The following RANBP6 variants were observed in gnomAD, a reference collection of about 807,000 sequenced individuals.
RANBP6 encodes the protein RAN binding protein 6.
A neutral mutation model predicts 35.3 loss-of-function variants in RANBP6; 10 were observed. The ratio of observed to expected loss-of-function variants is 0.28; its 90% CI spans 0.17 to 0.48. The LOEUF is 0.48. RANBP6 is among the 20% of genes least tolerant of loss of function. RANBP6 has a pLI of 0.99. For synonymous variants in RANBP6, 514 were observed against 464.2 expected, an observed-to-expected ratio of 1.11 and a Z score of -1.38; for missense variants, 1,392 against 1,307.7, an observed-to-expected ratio of 1.06 and a Z score of -0.99.
At position 6,014,797 on chromosome 9, in the gene RANBP6, A is replaced by G. The variant is rs1489020264; in HGVS notation, c.811T>C (p.Leu271=). Residue 271 remains leucine (L), a synonymous_variant, in exon 1 of 1, where the codon TTG becomes CTG. Transcript: ENST00000259569. ...PYLEDTLQLS[L]KLCGDSRLSN... is the part of the protein sequence containing the mutation. ...AGCCTAGAGTCTCCACATAACTTCA[A>G]ACTCAACTGTAGAGTATCTTCTAAA... 3 of 1,614,162 alleles carry G rather than the reference A, an allele frequency of 1.9e-6. No individual in the cohort carries two copies. Among genetic ancestry groups the G allele is most frequent in the Non-Finnish European group, 2.5e-6 (3 of 1,180,030 alleles).
In RANBP6 at chr9:6,014,710, G is replaced by A; in HGVS notation, c.898C>T (p.Pro300Ser). 1 of 1,614,126 alleles carries A rather than the reference G, an allele frequency of 6.2e-7. No homozygotes were observed. Among genetic ancestry groups the A allele is most frequent in the Non-Finnish European group, 8.5e-7 (1 of 1,180,044 alleles). ...VIVTLSETAT[P>S]MLKKHTNIIA... ...ATATTTGTATGTTTTTTCAACATCGGAGTGGCAGTTTCAGACAAGGTCACT... is the reference window on the plus strand; with the variant it reads ...ATATTTGTATGTTTTTTCAACATCGAAGTGGCAGTTTCAGACAAGGTCACT... Residue 300 changes from proline (P) to serine (S), a missense_variant, in exon 1 of 1, where the codon CCG (proline) becomes TCG (serine). Pro to Ser is a moderately conservative substitution (Grantham distance 74, BLOSUM62 -1). Transcript: ENST00000259569.
At position 6,012,831 on chromosome 9, in the gene RANBP6, T is replaced by C. The variant is rs138377555; in HGVS notation, c.2777A>G (p.Asn926Ser). ...AGCAGCAGCTTGCCTGACTTCAGGGTTGTTATCTCGCATATTTAGTAGCAT... is the reference window on the plus strand; with the variant it reads ...AGCAGCAGCTTGCCTGACTTCAGGGCTGTTATCTCGCATATTTAGTAGCAT... ...WPMLLNMRDN[N>S]PEVRQAAAYG... Residue 926 changes from asparagine to serine, a missense_variant, in exon 1 of 1, where the codon AAC (asparagine) becomes AGC (serine). Asn to Ser is a conservative substitution (Grantham distance 46). Coordinates refer to ENST00000259569, the MANE Select transcript of RANBP6 (RefSeq NM_012416.4). 7.9e-5 allele frequency: 127 copies of C among 1,614,094 alleles called. No homozygotes were observed. In the African/African-American group the frequency reaches 1.6e-3, roughly 21 times the overall value.
In RANBP6 at chr9:6,011,993, A is replaced by T. The variant is rs1245642832; in HGVS notation, c.*297T>A. 2 of 213,938 alleles carry T rather than the reference A, an allele frequency of 9.3e-6. No individual in the cohort carries two copies. The highest frequency in any genetic ancestry group is 1.8e-5 in the Non-Finnish European group (2 of 108,264). The allele number at this position is 213,938 out of a possible 1,614,324, so 13.3% of individuals were successfully genotyped here. A position where few individuals can be genotyped will look rare whatever the true frequency, so the allele number is the denominator to read the frequency against. On this transcript the variant is annotated 3_prime_UTR_variant, in exon 1 of 1. Coordinates refer to ENST00000259569, the MANE Select transcript of RANBP6 (RefSeq NM_012416.4). ...TCAAGTATACTGCTTGGCTAGCATC[A>T]ATAATAGTTCAAACAAATAGCAACA... is the stretch of plus-strand genomic sequence containing the variant.
chr9:6,014,631 T>C lies in RANBP6; in HGVS notation c.977A>G (p.Asp326Gly). The change falls in exon 1 of 1, where the codon GAT (aspartate) becomes GGT (glycine). Residue 326 changes from aspartate to glycine, a missense_variant. Physicochemically the swap from Asp to Gly is moderately conservative, Grantham distance 94 (BLOSUM62 -1). Transcript: ENST00000259569. ...TTCATCAGCATTTACCCAGTCCTCATCATCTTGTAGATCAACCATCATTGC... is the reference window on the plus strand; with the variant it reads ...TTCATCAGCATTTACCCAGTCCTCACCATCTTGTAGATCAACCATCATTGC... ...ILAMMVDLQD[D>G]EDWVNADEME... The C allele has an allele frequency of 6.2e-7, 1 of 1,614,200 alleles. No homozygotes were observed. The highest frequency in any genetic ancestry group is 8.5e-7 in the Non-Finnish European group (1 of 1,180,024).
chr9:6,015,344 A>C lies in RANBP6; in HGVS notation c.264T>G (p.Asn88Lys). 4 of 1,614,212 alleles carry C rather than the reference A, an allele frequency of 2.5e-6. No individual in the cohort carries two copies. The highest frequency in any genetic ancestry group is 3.4e-6 in the Non-Finnish European group (4 of 1,180,054). ...LSSGFEEVYP[N>K]LPADVQRDVK... Reference sequence around the variant, plus strand: ...CATCTCTCTGAACATCAGCAGGCAGATTTGGATAAACCTCCTCAAACCCAG... The same window carrying C: ...CATCTCTCTGAACATCAGCAGGCAGCTTTGGATAAACCTCCTCAAACCCAG... The change falls in exon 1 of 1, where the codon AAT becomes AAG. Residue 88 changes from asparagine (N) to lysine (K), a missense_variant. Transcript: ENST00000259569.
chr9:6,015,511 C>G lies in RANBP6; in HGVS notation c.97G>C (p.Val33Leu). The G allele has an allele frequency of 6.2e-7, 1 of 1,613,636 alleles. No homozygotes were observed. ...LKNLINPSCM[V>L]RRQAEEIYEN... Reference sequence around the variant, plus strand: ...TAGATTTCCTCTGCTTGCCTCCGCACCATACAGCTTGGATTGATCAGGTTC... The same window carrying G: ...TAGATTTCCTCTGCTTGCCTCCGCAGCATACAGCTTGGATTGATCAGGTTC... The change falls in exon 1 of 1, where the codon GTG becomes CTG. Residue 33 changes from valine to leucine, a missense_variant. Coordinates refer to ENST00000259569, the MANE Select transcript of RANBP6 (RefSeq NM_012416.4).
chr9:6,014,347 G>A lies in RANBP6; in HGVS notation c.1261C>T (p.Pro421Ser), dbSNP rs1278926899. The A allele has an allele frequency of 5.0e-6, 8 of 1,613,696 alleles. No individual in the cohort carries two copies. Among genetic ancestry groups the A allele is most frequent in the Non-Finnish European group, 5.9e-6 (7 of 1,179,714 alleles). The change falls in exon 1 of 1, where the codon CCA becomes TCA. Residue 421 changes from proline to serine, a missense_variant. Transcript: ENST00000259569. ...SVLLFLQDPH[P>S]RVRAAACTTL... is the part of the protein sequence containing the mutation. ...GTACAGGCTGCAGCCCTCACCCTTG[G>A]ATGAGGATCCTGAAGAAAAAGCAAA...
chr9:6,015,320 A>C lies in RANBP6; in HGVS notation c.288T>G (p.Asp96Glu), dbSNP rs761455357. 6.2e-7 allele frequency: 1 copy of C among 1,614,202 alleles called. No individual in the cohort carries two copies. The highest frequency in any genetic ancestry group is 8.5e-7 in the Non-Finnish European group (1 of 1,180,046). The change falls in exon 1 of 1, where the codon GAT becomes GAG. Residue 96 changes from aspartate (D) to glutamate (E), a missense_variant. By Grantham distance (45) the Asp-to-Glu change is conservative. Coordinates refer to ENST00000259569, the MANE Select transcript of RANBP6 (RefSeq NM_012416.4). ...YPNLPADVQR[D>E]VKIELILAVK... ...CAGCCAGAATCAGTTCAATCTTGAC[A>C]TCTCTCTGAACATCAGCAGGCAGAT...
chr9:6,014,226 T>C lies in RANBP6; in HGVS notation c.1382A>G (p.Gln461Arg). ...IAALLRTMEN[Q>R]GNQRVQSHAA... is the part of the protein sequence containing the mutation. ...ATGTGATTGCACACGCTGATTACCTTGATTTTCCATGGTACGTAACAGAGC... is the reference window on the plus strand; with the variant it reads ...ATGTGATTGCACACGCTGATTACCTCGATTTTCCATGGTACGTAACAGAGC... The change falls in exon 1 of 1, where the codon CAA becomes CGA. Residue 461 changes from glutamine (Q) to arginine (R), a missense_variant. Transcript: ENST00000259569. 2 of 1,613,768 alleles carry C rather than the reference T, an allele frequency of 1.2e-6. No individual in the cohort carries two copies. The highest frequency in any genetic ancestry group is 1.7e-6 in the Non-Finnish European group (2 of 1,179,882).
chr9:6,012,425 A>G lies in RANBP6; in HGVS notation c.3183T>C (p.Tyr1061=), dbSNP rs1171592573. 17 of 1,614,020 alleles carry G rather than the reference A, an allele frequency of 1.1e-5. No homozygotes were observed. Among genetic ancestry groups the G allele is most frequent in the Non-Finnish European group, 1.4e-5 (17 of 1,179,922 alleles). Residue 1061 remains tyrosine, a synonymous_variant, in exon 1 of 1, where the codon TAT becomes TAC. Coordinates refer to ENST00000259569, the MANE Select transcript of RANBP6 (RefSeq NM_012416.4). ...AEGKINETIN[Y]EDPCAKRLAN... ...CTAGGCGTTTGGCACAAGGATCCTC[A>G]TAGTTAATAGTCTCATTAATTTTTC...
rs1167860793 is a variant in RANBP6, at chr9:6,015,150, A to T, written c.458T>A (p.Val153Glu). 1.2e-6 allele frequency: 2 copies of T among 1,614,118 alleles called. No homozygotes were observed. The highest frequency in any genetic ancestry group is 3.3e-5 in the Admixed American group (2 of 60,024). ...GTGAAGTGCAACTTCCCATAGAACC[A>T]CATTTTTGGAGTAGATTGAATCAAT... is the stretch of plus-strand genomic sequence containing the variant. ...FLIDSIYSKN[V>E]VLWEVALHVF... is the part of the protein sequence containing the mutation. The change falls in exon 1 of 1, where the codon GTG becomes GAG. Residue 153 changes from valine (V) to glutamate (E), a missense_variant. Coordinates refer to ENST00000259569, the MANE Select transcript of RANBP6 (RefSeq NM_012416.4).
Position 6,012,291 on chromosome 9 carries a change from C to T in RANBP6, c.3317G>A (p.Ter1106=), listed in dbSNP as rs1257652158. The change falls in exon 1 of 1, where the codon TGA becomes TAA. Residue 1106 remains the stop codon, a stop_retained_variant. Coordinates refer to ENST00000259569, the MANE Select transcript of RANBP6 (RefSeq NM_012416.4). Reference sequence around the variant, plus strand: ...ATATTCAAGTTATATTAAAGTGCTTCAAGCAAAATTTAGCAACTCCTGTAA... The same window carrying T: ...ATATTCAAGTTATATTAAAGTGCTTTAAGCAAAATTTAGCAACTCCTGTAA... ...EALQELLNFA[*] is the part of the protein sequence containing the mutation. The T allele has an allele frequency of 1.9e-6, 3 of 1,541,816 alleles. No homozygotes were observed. The highest frequency in any genetic ancestry group is 4.5e-5 in the East Asian group (2 of 44,086).
rs950580593 is a variant in RANBP6 at position 6,014,552 on chromosome 9, G to A, written c.1056C>T (p.Asp352=). 5.6e-6 allele frequency: 9 copies of A among 1,614,050 alleles called. No homozygotes were observed. In the African/African-American group the frequency reaches 1.2e-4, roughly 22 times the overall value. Residue 352 remains aspartate (D), a synonymous_variant, in exon 1 of 1, where the codon GAC becomes GAT. Coordinates refer to ENST00000259569, the MANE Select transcript of RANBP6 (RefSeq NM_012416.4). ...SNAVAAESAL[D]RLACGLGGKV... is the part of the protein sequence containing the mutation. ...TTCCACCAAGCCCACAAGCCAGTCT[G>A]TCTAGTGCACTCTCCGCAGCAACTG...
In RANBP6 at chr9:6,014,411, T is replaced by C; in HGVS notation, c.1197A>G (p.Gln399=). ...TTTCATCTAGAATTGATTCCATTTG[T>C]TGATGGCATCCTTCTCCAATGGCAG... ...ALSAIGEGCH[Q]QMESILDETV... is the part of the protein sequence containing the mutation. The change falls in exon 1 of 1, where the codon CAA becomes CAG. Residue 399 remains glutamine (Q), a synonymous_variant. Coordinates refer to ENST00000259569, the MANE Select transcript of RANBP6 (RefSeq NM_012416.4). 1 of 1,614,248 alleles carries C rather than the reference T, an allele frequency of 6.2e-7. No homozygotes were observed. The highest frequency in any genetic ancestry group is 8.5e-7 in the Non-Finnish European group (1 of 1,180,036).
At position 6,014,034 on chromosome 9, in the gene RANBP6, G is replaced by A. The variant is rs747556793; in HGVS notation, c.1574C>T (p.Ala525Val). The A allele has an allele frequency of 6.2e-7, 1 of 1,613,796 alleles. No homozygotes were observed. Among genetic ancestry groups the A allele is most frequent in the Admixed American group, 1.7e-5 (1 of 59,996 alleles). ...TTCTTCTATTGTATCTGCAACTGAT[G>A]CAATGGTTGTCACAAGTTGTTCCAA... The part of the protein sequence containing the change: ...LALEQLVTTI[A>V]SVADTIEEKF... The change falls in exon 1 of 1, where the codon GCA becomes GTA. Residue 525 changes from alanine to valine, a missense_variant. Coordinates refer to ENST00000259569, the MANE Select transcript of RANBP6 (RefSeq NM_012416.4).
At position 6,013,864 on chromosome 9, in the gene RANBP6, T is replaced by C; in HGVS notation, c.1744A>G (p.Met582Val). Reference protein sequence around the residue: ...IGLAVGKEKFMQDASNVMQLL... With the variant: ...IGLAVGKEKFVQDASNVMQLL... ...TGCATCACATTTGATGCATCTTGCA[T>C]AAATTTTTCCTTCCCAACAGCAAGA... Residue 582 changes from methionine (M) to valine (V), a missense_variant, in exon 1 of 1, where the codon ATG becomes GTG. Physicochemically the swap from Met to Val is conservative, Grantham distance 21 (BLOSUM62 1). Transcript: ENST00000259569. The C allele has an allele frequency of 6.2e-7, 1 of 1,613,992 alleles. No individual in the cohort carries two copies. The highest frequency in any genetic ancestry group is 1.3e-5 in the African/African-American group (1 of 75,068).
At position 6,012,878 on chromosome 9, in the gene RANBP6, A is replaced by G. The variant is rs765660559; in HGVS notation, c.2730T>C (p.Tyr910=). The G allele has an allele frequency of 1.2e-6, 2 of 1,614,070 alleles. No individual in the cohort carries two copies. The highest frequency in any genetic ancestry group is 1.7e-6 in the Non-Finnish European group (2 of 1,179,984). The change falls in exon 1 of 1, where the codon TAT becomes TAC. Residue 910 remains tyrosine, a synonymous_variant. Transcript: ENST00000259569. Reference sequence around the variant, plus strand: ...GCATTGGCCACCGAAAATATTCTACATATTTAAATGAAGTTGGACTGCAGT... The same window carrying G: ...GCATTGGCCACCGAAAATATTCTACGTATTTAAATGAAGTTGGACTGCAGT... ...IEHCSPTSFK[Y]VEYFRWPMLL... is the part of the protein sequence containing the mutation.
rs139819261 is a variant in RANBP6, at chr9:6,014,780, G to A, written c.828C>T (p.Asp276=). The stretch of plus-strand genomic sequence containing the variant: ...GGCGCTGCAGATTACTAAGCCTAGA[G>A]TCTCCACATAACTTCAAACTCAACT... ...TLQLSLKLCG[D]SRLSNLQRQL... is the part of the protein sequence containing the mutation. The change falls in exon 1 of 1, where the codon GAC becomes GAT. Residue 276 remains aspartate (D), a synonymous_variant. Transcript: ENST00000259569. 2.5e-6 allele frequency: 4 copies of A among 1,614,048 alleles called. No individual in the cohort carries two copies. The highest frequency in any genetic ancestry group is 3.4e-6 in the Non-Finnish European group (4 of 1,180,036).
chr9:6,013,265 A>G lies in RANBP6; in HGVS notation c.2343T>C (p.Phe781=), dbSNP rs1842508067. The part of the protein sequence containing the change: ...TDVLSEIMNS[F]AKSIEVMGDG... ...CTCCCATAACTTCAATGGACTTTGC[A>G]AAAGAATTCATTATTTCTGAGAGCA... Residue 781 remains phenylalanine (F), a synonymous_variant, in exon 1 of 1, where the codon TTT becomes TTC. Transcript: ENST00000259569. 1 of 1,614,078 alleles carries G rather than the reference A, an allele frequency of 6.2e-7. No individual in the cohort carries two copies. Among genetic ancestry groups the G allele is most frequent in the South Asian group, 1.1e-5 (1 of 91,088 alleles).
Sources: allele counts gnomAD v4.1 joint callset, GRCh38; gene constraint gnomAD v4.1.1; transcripts MANE v1.5; gene names NCBI Gene and HGNC (gene_info 2026-07-23, HGNC 2026-07-21).